GLIS3: variants seen among roughly 807,000 people sequenced by gnomAD.
GLIS3 encodes zinc finger protein GLIS3.
A neutral mutation model predicts 78.6 loss-of-function variants in GLIS3; 53 were observed. That is an observed-to-expected ratio of 0.67 (90% CI 0.54 to 0.85). The LOEUF (loss-of-function observed/expected upper bound fraction) is 0.85. Ranked by LOEUF, GLIS3 falls within the 40% of genes least tolerant of loss-of-function variation. GLIS3 has a pLI of 0.00. For synonymous variants in GLIS3, 684 were observed against 509.9 expected (o/e 1.34, Z -4.60); for missense variants, 1,703 against 1,231.1 (o/e 1.38, Z -5.74).
At chr9:4,033,401 T>A (rs1158373380) in intron 4 of GLIS3, among the ~76,000 whole-genome samples, 1 of 152,100 alleles carries the variant, frequency 6.6e-6, no homozygotes, top group Non-Finnish European at 1.5e-5. Context: ...CCAGGCCATT[T>A]GGGTAGAGAA....
Position 4,117,849 on chromosome 9 carries a change from T to G in GLIS3, c.1629A>C (p.Arg543=). ...AGCGGGCGTTGAAGGGCTTGTATCT[T>G]CGAGGGCAACCGGCCCAGAAGCAAG... ...DFTCFWAGCP[R]RYKPFNARYK... Residue 543 remains arginine, a synonymous_variant, in exon 4 of 11, where the codon CGA becomes CGC. Coordinates refer to ENST00000381971, the MANE Select transcript of GLIS3 (RefSeq NM_001042413.2). 4 of 1,614,130 alleles carry G rather than the reference T, an allele frequency of 2.5e-6. No homozygotes were observed. Among genetic ancestry groups the G allele is most frequent in the Non-Finnish European group, 3.4e-6 (4 of 1,180,018 alleles).
chr9:4,080,975 G>A (rs77473249), intron 4 of GLIS3, among the ~76,000 whole-genome samples: 8,063 of 152,176 alleles, frequency 0.053, 555 homozygotes, highest in East Asian at 0.22. Flanking sequence ...GCAACACAGG[G>A]CAACTGATTT....
At chr9:4,034,284 G>A (rs1213138256) in intron 4 of GLIS3, among the ~76,000 whole-genome samples, 2 of 151,986 alleles carry the variant, frequency 1.3e-5, no homozygotes, top group African/African-American at 4.8e-5. Flanking sequence ...AATACCAACA[G>A]AAAACAAGTT....
At chr9:4,319,362 G>A (rs566517701) in intron 2 of GLIS3, among the ~76,000 whole-genome samples, 1 of 152,256 alleles carries the variant, frequency 6.6e-6, no homozygotes, top group African/African-American at 2.4e-5. Flanking sequence ...GAACTCAAAT[G>A]TGGCAAAATG....
intron 7 of GLIS3, 50 bp downstream of exon 7, chr9:3,898,641 A>C (rs1300315281): frequency 3.1e-6 from 5 of 1,611,622 alleles, no homozygotes; most frequent in Non-Finnish European, 3.4e-6. Flanking sequence ...ACCAGAGTAA[A>C]AGGCCTAAAA....
the GLIS3 span, among the ~76,000 whole-genome samples, chr9:4,390,966 G>A: frequency 3.9e-5 from 6 of 152,182 alleles, no homozygotes; most frequent in Non-Finnish European, 8.8e-5. Flanking sequence ...TGGGGCCTTT[G>A]AGAAAGTATC....
At chr9:4,246,504 C>G (rs761613999) in intron 2 of GLIS3, among the ~76,000 whole-genome samples, 1 of 152,198 alleles carries the variant, frequency 6.6e-6, no homozygotes, top group Non-Finnish European at 1.5e-5. Flanking sequence ...CCCTAAGTGA[C>G]ATCTGCAGTT....
chr9:4,397,215 C>T, the GLIS3 span, among the ~76,000 whole-genome samples: 2 of 142,080 alleles, frequency 1.4e-5, no homozygotes, highest in East Asian at 2.1e-4. Context: ...TTAGTAGAGA[C>T]GGGGTTTCAC....
intron 2 of GLIS3, among the ~76,000 whole-genome samples, chr9:4,265,171 CA>C (rs748851157): frequency 1.4e-3 from 119 of 84,284 alleles, no homozygotes; most frequent in Admixed American, 2.5e-3. Flanking sequence ...GACGCCGTCT[CA>C]AAAAAAAAAA....
intron 2 of GLIS3, among the ~76,000 whole-genome samples, chr9:4,279,532 G>C (rs969096535): frequency 1.3e-5 from 2 of 151,826 alleles, no homozygotes; most frequent in East Asian, 3.9e-4. Context: ...GGTGTCTCTT[G>C]TGAAGACCTG....
chr9:4,441,860 C>T, the GLIS3 span, among the ~76,000 whole-genome samples: 1 of 152,182 alleles, frequency 6.6e-6, no homozygotes, highest in Admixed American at 6.5e-5. Context: ...CCACCTCGGC[C>T]TCCCCAAGTG....
the GLIS3 span, among the ~76,000 whole-genome samples, chr9:4,435,189 G>A: frequency 6.6e-6 from 1 of 152,132 alleles, no homozygotes; most frequent in African/African-American, 2.4e-5. Flanking sequence ...CTGCATGCTT[G>A]GTCTGGAAGA....
intron 4 of GLIS3, among the ~76,000 whole-genome samples, chr9:4,109,480 T>C (rs1002395189): frequency 6.6e-6 from 1 of 152,194 alleles, no homozygotes; most frequent in Non-Finnish European, 1.5e-5. Context: ...TCACTTGGCA[T>C]AAGATAAATG....
chr9:4,488,700 G>C, the GLIS3 span, among the ~76,000 whole-genome samples: 1 of 150,914 alleles, frequency 6.6e-6, no homozygotes, highest in African/African-American at 2.4e-5. Context: ...TTGTATTTTT[G>C]GTAGACGGGA....
chr9:4,041,522 A>G (rs1824809386), intron 4 of GLIS3, among the ~76,000 whole-genome samples: 2 of 152,144 alleles, frequency 1.3e-5, no homozygotes, highest in Non-Finnish European at 2.9e-5. Flanking sequence ...CCAGAGCTCC[A>G]TTTTTAGTGT....
rs1213858811 is a variant in GLIS3, at chr9:4,265,905, T to TTTTG, written c.388+20132_388+20133insCAAA. 6.2e-3 allele frequency among the ~76,000 whole-genome samples: 364 copies of TTTTG among 58,382 alleles called. 3 individuals are homozygous for TTTTG. Among genetic ancestry groups the TTTTG allele is most frequent in the African/African-American group, 0.036 (347 of 9,640 alleles). 38.3% of individuals were successfully genotyped at this position (58,382 alleles called of 152,430 possible). A position where few individuals can be genotyped will look rare whatever the true frequency, so the allele number is the denominator to read the frequency against. ...AAAATGCACTCACCCTGGTTTTTTT[T>TTTTG]TTGTTTGTCTGTTTGTTTGTTTGTT... On this transcript the variant is annotated intron_variant, in intron 2 of 10. Transcript: ENST00000381971.
chr9:4,324,553 T>C (rs973210355), intron 2 of GLIS3, among the ~76,000 whole-genome samples: 1 of 152,234 alleles, frequency 6.6e-6, no homozygotes, highest in Non-Finnish European at 1.5e-5. Context: ...GTATTCTTCC[T>C]TGATGATTTC....
intron 8 of GLIS3, among the ~76,000 whole-genome samples, chr9:3,863,619 T>C (rs889434559): frequency 4.6e-5 from 7 of 152,236 alleles, no homozygotes; most frequent in African/African-American, 1.4e-4. Context: ...GAACCTACAC[T>C]GAGCATGACA....
intron 2 of GLIS3, among the ~76,000 whole-genome samples, chr9:4,143,197 C>T (rs1833938348): frequency 6.6e-6 from 1 of 151,988 alleles, no homozygotes; most frequent in Non-Finnish European, 1.5e-5. Flanking sequence ...GTTAACATAC[C>T]CATAACCTTA....
Sources: allele counts gnomAD v4.1 joint callset (sites outside exome capture counted in the v4.1 genomes callset), GRCh38; gene constraint gnomAD v4.1.1; transcripts MANE v1.5; gene names NCBI Gene and HGNC (gene_info 2026-07-23, HGNC 2026-07-21).